Variants in NUP42 observed in about 807,000 individuals in gnomAD.
NUP42 encodes nucleoporin NUP42.
Under a neutral mutation model 35.9 loss-of-function variants are expected in NUP42, and 47 were observed. The observed-to-expected ratio is 1.31, with a 90% CI of 1.04 to 1.67. The LOEUF (loss-of-function observed/expected upper bound fraction) is 1.67, where lower values mean the gene tolerates loss of function less well. Ranked by LOEUF, NUP42 falls within the 40% of genes most tolerant of loss-of-function variation. NUP42 has a pLI of 0.00. For synonymous variants in NUP42, 173 were observed against 173.3 expected (o/e 1.00, Z 0.01); for missense variants, 514 against 492.2 (o/e 1.04, Z -0.42).
Position 23,182,153 on chromosome 7 carries a change from C to T in NUP42, c.68C>T (p.Pro23Leu), listed in dbSNP as rs767050226. 5.0e-6 allele frequency: 8 copies of T among 1,614,114 alleles called. No homozygotes were observed. The Admixed American group carries it at 5.0e-5, about 10-fold the overall frequency. Residue 23 changes from proline to leucine, a missense_variant, in exon 1 of 7, where the codon CCC becomes CTC. Coordinates refer to ENST00000258742, the MANE Select transcript of NUP42 (RefSeq NM_007342.3). The part of the protein sequence containing the change: ...RFGDRCWNEH[P>L]GARGAGGGRQ... ...GGAGATCGGTGCTGGAACGAACATC[C>T]CGGTGCTAGGGGTGCAGGAGGAGGA...
chr7:23,182,782 C>T (rs1222223970), intron 1 of NUP42, among the ~76,000 whole-genome samples: 10 of 143,996 alleles, frequency 6.9e-5, no homozygotes, highest in African/African-American at 2.4e-4. Flanking sequence ...GGCGTGGTGG[C>T]GCGCGCCTGT....
In NUP42 at chr7:23,199,541, A is replaced by C; in HGVS notation, c.693A>C (p.Pro231=). Residue 231 remains proline, a splice_region_variant and synonymous_variant, in exon 6 of 7, where the codon CCA becomes CCC. Transcript: ENST00000258742. ...GTCAAGCAGCAACATTTATGTCGCC[A>C]GGTAAGTGATAAAGTAATGCAGGAC... ...GSSQAATFMS[P]GFPVNNSSSD... The C allele has an allele frequency of 6.2e-7, 1 of 1,612,752 alleles. No individual in the cohort carries two copies. Among genetic ancestry groups the C allele is most frequent in the South Asian group, 1.1e-5 (1 of 91,062 alleles).
At chr7:23,188,895 T>TA (rs1785693813) in intron 3 of NUP42, among the ~76,000 whole-genome samples, 2 of 152,336 alleles carry the variant, frequency 1.3e-5, no homozygotes, top group East Asian at 3.9e-4. Context: ...GCAGAGGCAA[T>TA]AAATTACTAG....
Position 23,200,958 on chromosome 7 carries a change from T to A in NUP42, c.*213T>A, listed in dbSNP as rs1786207136. 4 of 306,020 alleles carry A rather than the reference T, an allele frequency of 1.3e-5. No homozygotes were observed. The highest frequency in any genetic ancestry group is 2.4e-5 in the Non-Finnish European group (4 of 169,242). 19.0% of individuals were successfully genotyped at this position (306,020 alleles called of 1,614,324 possible). On this transcript the variant is annotated 3_prime_UTR_variant, in exon 7 of 7. Transcript: ENST00000258742. ...AGGGAATTTTTTTGTACTGTAATTT[T>A]GAATGGAACTGAAAAATTATGCACG...
chr7:23,200,434 G>C lies in NUP42; in HGVS notation c.961G>C (p.Ala321Pro), dbSNP rs1394321461. The stretch of plus-strand genomic sequence containing the variant: ...ATCACCTGGATTTTCAGGACTTCCA[G>C]CTTCCTTGGCAACAGGTCCTGTCAG... ...FGSPGFSGLP[A>P]SLATGPVRAP... The change falls in exon 7 of 7, where the codon GCT (alanine) becomes CCT (proline). Residue 321 changes from alanine (A) to proline (P), a missense_variant. By Grantham distance (27) the Ala-to-Pro change is conservative. Coordinates refer to ENST00000258742, the MANE Select transcript of NUP42 (RefSeq NM_007342.3). 1.9e-6 allele frequency: 3 copies of C among 1,614,082 alleles called. No individual in the cohort carries two copies. The highest frequency in any genetic ancestry group is 2.5e-6 in the Non-Finnish European group (3 of 1,180,048).
chr7:23,195,938 TA>T, intron 4 of NUP42, 23 bp downstream of exon 4: 1 of 1,433,664 alleles, frequency 7.0e-7, no homozygotes, highest in Admixed American at 1.8e-5. Flanking sequence ...CCTATTAATC[TA>T]CTGCAATAAC....
At chr7:23,188,011 T>TA (rs1388526413) in intron 3 of NUP42, 3 of 1,094,292 alleles carry the variant, frequency 2.7e-6, no homozygotes, top group African/African-American at 3.5e-5. Flanking sequence ...TTTTTTATTT[T>TA]TATTTTTTTT....
chr7:23,185,563 A>G (rs1206725528), intron 2 of NUP42, among the ~76,000 whole-genome samples: 1 of 152,164 alleles, frequency 6.6e-6, no homozygotes, highest in Non-Finnish European at 1.5e-5. Context: ...ATAATAGTAG[A>G]GTGCCTTCCT....
intron 5 of NUP42, among the ~76,000 whole-genome samples, chr7:23,198,867 CTGATTA>C (rs1786108624): frequency 6.6e-6 from 1 of 152,044 alleles, no homozygotes; most frequent in South Asian, 2.1e-4. Flanking sequence ...AAATATTTTT[CTGATTA>C]TAATATCTGC....
chr7:23,200,366 C>A lies in NUP42; in HGVS notation c.893C>A (p.Ala298Asp). 1 of 1,613,786 alleles carries A rather than the reference C, an allele frequency of 6.2e-7. No individual in the cohort carries two copies. Among genetic ancestry groups the A allele is most frequent in the Non-Finnish European group, 8.5e-7 (1 of 1,179,852 alleles). Residue 298 changes from alanine to aspartate, a missense_variant, in exon 7 of 7, where the codon GCT becomes GAT. Physicochemically the swap from Ala to Asp is moderately radical, Grantham distance 126. Transcript: ENST00000258742. ...TTTGGGAAGCCTGAAGTCACATCGG[C>A]TGCATCATTTTCATTCAAAAGCCCT... is the stretch of plus-strand genomic sequence containing the variant. The part of the protein sequence containing the change: ...FGFGKPEVTS[A>D]ASFSFKSPAA...
rs1170077490 is a variant in NUP42, at chr7:23,200,673, A to G, written c.1200A>G (p.Gln400=). 4 of 1,611,832 alleles carry G rather than the reference A, an allele frequency of 2.5e-6. No individual in the cohort carries two copies. The African/African-American group carries it at 4.0e-5, about 16-fold the overall frequency. The change falls in exon 7 of 7, where the codon CAA becomes CAG. Residue 400 remains glutamine (Q), a synonymous_variant. Coordinates refer to ENST00000258742, the MANE Select transcript of NUP42 (RefSeq NM_007342.3). ...AACTAACAGTAGAAGAACTGGAACA[A>G]TTTCAATCCAAGAAATTTACTCTGG... ...RDKLTVEELE[Q]FQSKKFTLGK... is the part of the protein sequence containing the mutation.
Position 23,182,180 on chromosome 7 carries a change from GGCAGCAACC to G in NUP42, c.102_110del (p.Pro35_Gln37del). The G allele has an allele frequency of 6.2e-7, 1 of 1,613,320 alleles. No homozygotes were observed. Among genetic ancestry groups the G allele is most frequent in the South Asian group, 1.1e-5 (1 of 90,966 alleles). On this transcript the variant is annotated inframe_deletion, in exon 1 of 7. Transcript: ENST00000258742. The stretch of plus-strand genomic sequence containing the variant: ...GGTGCTAGGGGTGCAGGAGGAGGAC[GGCAGCAACC>G]GCAGCAGCAGCCTTCAGGTGACTCT...
In NUP42 at chr7:23,190,546, C is replaced by T. The variant is rs1375057415; in HGVS notation, c.445+3400C>T. 2.0e-5 allele frequency among the ~76,000 whole-genome samples: 3 copies of T among 152,176 alleles called. No individual in the cohort carries two copies. The East Asian group carries it at 5.8e-4, about 29-fold the overall frequency. ...CTTGTAAACAAACATTCTTTGGGGTCCTTAATGATTTTTAAGAATGTAAAG... is the reference window on the plus strand; with the variant it reads ...CTTGTAAACAAACATTCTTTGGGGTTCTTAATGATTTTTAAGAATGTAAAG... On this transcript the variant is annotated intron_variant, in intron 3 of 6. Transcript: ENST00000258742.
intron 1 of NUP42, chr7:23,182,434 T>G (rs1030830098): frequency 7.4e-7 from 1 of 1,349,014 alleles, no homozygotes; most frequent in African/African-American, 1.5e-5. Flanking sequence ...TGGGCCTGGA[T>G]GCTTGTGCGA....
At chr7:23,188,671 A>G (rs1204909493) in intron 3 of NUP42, 2 of 474,602 alleles carry the variant, frequency 4.2e-6, no homozygotes, top group Non-Finnish European at 5.5e-6. Context: ...TATTTATTGT[A>G]TATCTGAAAT....
intron 3 of NUP42, among the ~76,000 whole-genome samples, chr7:23,192,501 G>C (rs1728322): frequency 0.088 from 12,616 of 142,980 alleles, 831 homozygotes; most frequent in African/African-American, 0.19. Context: ...AAGCCGAGAT[G>C]ATGCCACTGC....
rs1222820044 is a variant in NUP42, at chr7:23,196,739, T to A, written c.582T>A (p.Ser194Arg). The A allele has an allele frequency of 6.2e-7, 1 of 1,610,618 alleles. No homozygotes were observed. The highest frequency in any genetic ancestry group is 8.5e-7 in the Non-Finnish European group (1 of 1,177,022). The change falls in exon 5 of 7, where the codon AGT becomes AGA. Residue 194 changes from serine (S) to arginine (R), a missense_variant. Coordinates refer to ENST00000258742, the MANE Select transcript of NUP42 (RefSeq NM_007342.3). ...QWRNRVNELK[S>R]LNISTKVALL... is the part of the protein sequence containing the mutation. ...GGAACAGGGTAAATGAACTGAAAAG[T>A]CTAAATATATCAACTAAAGTAGCTT...
At chr7:23,196,658 T>C in intron 4 of NUP42, 22 bp from the exon 5 acceptor site, 2 of 1,537,242 alleles carry the variant, frequency 1.3e-6, no homozygotes, top group Non-Finnish European at 1.8e-6. Flanking sequence ...TGAACTGTTA[T>C]TTTTCTGTCT....
intron 3 of NUP42, among the ~76,000 whole-genome samples, chr7:23,189,154 G>T (rs1006686704): frequency 1.3e-5 from 2 of 152,180 alleles, no homozygotes; most frequent in East Asian, 3.8e-4. Context: ...TATTTGAAAG[G>T]AATGACAACT....
Sources: allele counts gnomAD v4.1 joint callset (sites outside exome capture counted in the v4.1 genomes callset), GRCh38; gene constraint gnomAD v4.1.1; transcripts MANE v1.5; gene names NCBI Gene and HGNC (gene_info 2026-07-23, HGNC 2026-07-21).